NPIPB2: variants seen among roughly 807,000 people sequenced by gnomAD.
NPIPB2 encodes the protein nuclear pore complex interacting protein family member B2.
A neutral mutation model predicts 30.8 loss-of-function variants in NPIPB2; 27 were observed. The observed-to-expected ratio is 0.88, with a 90% CI of 0.65 to 1.21. NPIPB2 has a LOEUF of 1.21. Among genes scored for constraint, NPIPB2 ranks in the 50% most tolerant of loss-of-function variants. The pLI is 0.00. For missense variants in NPIPB2, 440 were observed against 446.2 expected, an observed-to-expected ratio of 0.99 and a Z score of 0.13; for synonymous variants, 147 against 162.0, an observed-to-expected ratio of 0.91 and a Z score of 0.70.
intron 2 of NPIPB2, among the ~76,000 whole-genome samples, chr16:11,935,409 A>G (rs146108247): frequency 2.0e-5 from 3 of 151,888 alleles, no homozygotes; most frequent in Non-Finnish European, 1.5e-5. Context: ...CACCTCCCAG[A>G]TTCAAGCGAT....
chr16:11,965,370 A>G (rs1391748284), intron 1 of NPIPB2: 1 of 1,614,042 alleles, frequency 6.2e-7, no homozygotes. Context: ...ATATTTTGAC[A>G]GTTTGTTGCA....
Position 11,958,612 on chromosome 16 carries a change from G to T in NPIPB2, c.-583-16498C>A. Among the ~76,000 whole-genome samples the T allele has an allele frequency of 1.3e-5, 2 of 152,012 alleles. 1 individual carries two copies. Among genetic ancestry groups the T allele is most frequent in the Non-Finnish European group, 2.9e-5 (2 of 68,022 alleles). ...AAAACCTAGCCAGGCAAGATGGCAT[G>T]TGCCTGCAGTCCCGGCTACTCAGGG... On this transcript the variant is annotated intron_variant, in intron 1 of 5. Transcript: ENST00000538896.
chr16:11,963,982 C>A (rs1186598114), intron 1 of NPIPB2: 3 of 150,380 alleles, frequency 2.0e-5, no homozygotes, highest in African/African-American at 7.4e-5. Flanking sequence ...CTGCAGTGAG[C>A]TGTGATTGTG....
At chr16:11,933,605 C>A in exon 4 of NPIPB2, 1 of 1,462,980 alleles carries the variant, frequency 6.8e-7, no homozygotes, top group Non-Finnish European at 9.0e-7. Context: ...TTAGCTCTAC[C>A]TTTTGTTTCC....
At chr16:11,975,756 A>C (rs940188162) in intron 1 of NPIPB2, among the ~76,000 whole-genome samples, 2 of 151,790 alleles carry the variant, frequency 1.3e-5, no homozygotes, top group Admixed American at 6.6e-5. Context: ...ATGCCTGGCT[A>C]ATTTTTGTAT....
chr16:11,975,517 A>G (rs1390514033), intron 1 of NPIPB2, among the ~76,000 whole-genome samples: 1 of 151,912 alleles, frequency 6.6e-6, no homozygotes, highest in African/African-American at 2.4e-5. Flanking sequence ...GACAACTGCA[A>G]TAACTCCTTA....
chr16:11,938,875 G>A (rs942665772), intron 1 of NPIPB2, among the ~76,000 whole-genome samples: 3 of 151,600 alleles, frequency 2.0e-5, no homozygotes, highest in African/African-American at 7.3e-5. Flanking sequence ...CAGCTACTGA[G>A]TAACTGGGAT....
intron 1 of NPIPB2, among the ~76,000 whole-genome samples, chr16:11,955,103 G>A (rs62037663): frequency 0.12 from 17,986 of 151,854 alleles, 1,349 homozygotes; most frequent in South Asian, 0.2. Flanking sequence ...GGCTGGGCGC[G>A]GTGGCTCACA....
At chr16:11,934,796 T>A (rs1183997787) in intron 2 of NPIPB2, among the ~76,000 whole-genome samples, 1 of 141,500 alleles carries the variant, frequency 7.1e-6, no homozygotes, top group Non-Finnish European at 1.5e-5. Context: ...GAGGCAGAGG[T>A]TGCAGTGAGC....
upstream of NPIPB2, among the ~76,000 whole-genome samples, chr16:11,944,973 G>A (rs984176155): frequency 6.6e-6 from 1 of 150,702 alleles, no homozygotes; most frequent in African/African-American, 2.4e-5. Flanking sequence ...GAGGTCGGGA[G>A]TTCAAGGCCA....
At chr16:11,927,500 C>A (rs757832267) in exon 8 of NPIPB2, 1 of 1,509,048 alleles carries the variant, frequency 6.6e-7, no homozygotes, top group Non-Finnish European at 9.0e-7. Flanking sequence ...CTCAGCGGCC[C>A]TCCGCCTCTT....
chr16:11,971,462 T>A (rs559805635), intron 1 of NPIPB2, among the ~76,000 whole-genome samples: 2 of 140,606 alleles, frequency 1.4e-5, no homozygotes, highest in Non-Finnish European at 3.1e-5. Flanking sequence ...GGGGGGTGGG[T>A]GGTTCCAAGT....
intron 1 of NPIPB2, among the ~76,000 whole-genome samples, chr16:11,948,766 CAAAA>C (rs34639444): frequency 1.0e-4 from 7 of 67,254 alleles, no homozygotes; most frequent in Non-Finnish European, 1.6e-4. Flanking sequence ...GACTCCGTCT[CAAAA>C]AAAAAAAAAA....
upstream of NPIPB2, among the ~76,000 whole-genome samples, chr16:11,943,348 C>CA (rs1209001272): frequency 1.3e-5 from 2 of 152,000 alleles, no homozygotes; most frequent in African/African-American, 2.4e-5. Context: ...AACAAACAAA[C>CA]AAAAAACAGG....
At chr16:11,961,862 T>G (rs1265352890) in intron 1 of NPIPB2, among the ~76,000 whole-genome samples, 1 of 147,744 alleles carries the variant, frequency 6.8e-6, no homozygotes, top group Non-Finnish European at 1.5e-5. Flanking sequence ...ATAGGTAGGG[T>G]CTGAATAGAC....
intron 1 of NPIPB2, among the ~76,000 whole-genome samples, chr16:11,947,100 T>C (rs897827134): frequency 3.4e-5 from 5 of 146,266 alleles, no homozygotes; most frequent in African/African-American, 9.9e-5. Context: ...AAAATAAAAT[T>C]CAATTATATA....
chr16:11,949,108 G>A (rs563696573), intron 1 of NPIPB2, among the ~76,000 whole-genome samples: 1 of 152,026 alleles, frequency 6.6e-6, no homozygotes, highest in South Asian at 2.1e-4. Context: ...ATGATGCTGT[G>A]ATCGGGCCAC....
At chr16:11,971,922 G>A (rs983213699) in intron 1 of NPIPB2, among the ~76,000 whole-genome samples, 13 of 151,100 alleles carry the variant, frequency 8.6e-5, no homozygotes, top group African/African-American at 3.2e-4. Flanking sequence ...TGAGGTGGGT[G>A]GATCACGAGG....
Position 11,940,761 on chromosome 16 carries a change from A to T in NPIPB2, c.63+1222T>A, listed in dbSNP as rs1215739615. On this transcript the variant is annotated intron_variant, in intron 1 of 7. Transcript: ENST00000399147. ...GGCGACAGAGTGAGACTCTGTCTAAAAAAAAAAAAAAAAAAAAAAAAAAGT... is the reference window on the plus strand; with the variant it reads ...GGCGACAGAGTGAGACTCTGTCTAATAAAAAAAAAAAAAAAAAAAAAAAGT... 1.1e-3 allele frequency among the ~76,000 whole-genome samples: 124 copies of T among 110,054 alleles called. 1 individual carries two copies. Among genetic ancestry groups the T allele is most frequent in the African/African-American group, 3.6e-3 (117 of 32,756 alleles). The allele number at this position is 110,054 out of a possible 152,430, so 72.2% of individuals were successfully genotyped here.
Sources: gnomAD v4.1 joint callset for allele counts (sites outside exome capture counted in the v4.1 genomes callset) on GRCh38, gnomAD v4.1.1 for gene constraint, MANE v1.5 for transcripts, NCBI Gene and HGNC (gene_info 2026-07-23, HGNC 2026-07-21) for gene names.